Variants in RORA observed in about 807,000 individuals in gnomAD.
The protein encoded by RORA is RAR related orphan receptor A.
In RORA, 7 loss-of-function variants were observed where a neutral mutation model predicts 69.5. That is an observed-to-expected ratio of 0.10 (90% confidence interval 0.06 to 0.19). The LOEUF (loss-of-function observed/expected upper bound fraction) is 0.19, where lower values mean the gene tolerates loss of function less well. RORA is among the 10% of genes least tolerant of loss of function. The probability of loss-of-function intolerance (pLI) is 1.00; values close to 1 mark genes in which losing one functional copy is unlikely to be tolerated. For synonymous variants in RORA, 261 were observed against 240.8 expected, an observed-to-expected ratio of 1.08 and a Z score of -0.78; for missense variants, 457 against 663.0, an observed-to-expected ratio of 0.69 and a Z score of 3.41.
chr15:60,607,292 C>T (rs1048787423), intron 2 of RORA, among the ~76,000 whole-genome samples: 2 of 152,094 alleles, frequency 1.3e-5, no homozygotes, highest in African/African-American at 2.4e-5. Context: ...TCACTAAGGA[C>T]GTATTAACCC....
chr15:60,878,551 G>A (rs1047533012), intron 1 of RORA, among the ~76,000 whole-genome samples: 2 of 152,098 alleles, frequency 1.3e-5, no homozygotes, highest in Non-Finnish European at 2.9e-5. Flanking sequence ...TTGAGGCTCC[G>A]CCTGCTCGCC....
intron 1 of RORA, among the ~76,000 whole-genome samples, chr15:60,829,487 T>G (rs16943179): frequency 0.022 from 3,336 of 152,186 alleles, 134 homozygotes; most frequent in African/African-American, 0.076. Flanking sequence ...CTAGCTTGAG[T>G]TCTAGTCCCA....
chr15:60,657,086 C>CGTGAATATTA (rs1408874500), intron 2 of RORA, among the ~76,000 whole-genome samples: 4 of 152,088 alleles, frequency 2.6e-5, no homozygotes, highest in African/African-American at 9.7e-5. Flanking sequence ...CACACAGCAC[C>CGTGAATATTA]GTGAATATTA....
chr15:60,657,243 T>C (rs2070234701), intron 2 of RORA, among the ~76,000 whole-genome samples: 1 of 152,046 alleles, frequency 6.6e-6, no homozygotes, highest in Non-Finnish European at 1.5e-5. Flanking sequence ...TTTCTTCTCC[T>C]CCTCCTCTCC....
intron 2 of RORA, among the ~76,000 whole-genome samples, chr15:60,586,378 C>T (rs1429171291): frequency 6.6e-6 from 1 of 151,934 alleles, no homozygotes; most frequent in Non-Finnish European, 1.5e-5. Flanking sequence ...AAGAAACTGA[C>T]CAAGATTGTG....
chr15:60,569,017 A>G (rs917111320), intron 2 of RORA, among the ~76,000 whole-genome samples: 1 of 151,998 alleles, frequency 6.6e-6, no homozygotes, highest in Non-Finnish European at 1.5e-5. Context: ...TACAATTTAC[A>G]AAAGGCCTTT....
intron 1 of RORA, among the ~76,000 whole-genome samples, chr15:60,841,428 C>G (rs1386957944): frequency 6.6e-6 from 1 of 152,234 alleles, no homozygotes; most frequent in East Asian, 1.9e-4. Flanking sequence ...AATGGGCTCT[C>G]TCTGTCTCTC....
chr15:61,202,294 G>A (rs1032316341), intron 1 of RORA, among the ~76,000 whole-genome samples: 2 of 152,168 alleles, frequency 1.3e-5, no homozygotes, highest in African/African-American at 4.8e-5. Flanking sequence ...ACAGGCATGA[G>A]ACACTGCTCC....
intron 1 of RORA, among the ~76,000 whole-genome samples, chr15:60,758,381 G>A (rs1366218748): frequency 1.3e-5 from 2 of 152,316 alleles, no homozygotes; most frequent in African/African-American, 4.8e-5. Context: ...TTTGTAACAA[G>A]TTACACGTTT....
intron 1 of RORA, among the ~76,000 whole-genome samples, chr15:60,763,324 C>T (rs1449952993): frequency 6.6e-6 from 1 of 152,082 alleles, no homozygotes; most frequent in Non-Finnish European, 1.5e-5. Context: ...GCCCTGGAAA[C>T]ATGGTCTTGG....
intron 1 of RORA, among the ~76,000 whole-genome samples, chr15:60,828,111 T>C (rs1350200064): frequency 6.6e-6 from 1 of 151,998 alleles, no homozygotes; most frequent in East Asian, 1.9e-4. Context: ...CTGGAAAAGG[T>C]ATAAGGCAGG....
chr15:60,733,028 C>A (rs1397369692), intron 1 of RORA, among the ~76,000 whole-genome samples: 2 of 152,198 alleles, frequency 1.3e-5, no homozygotes, highest in East Asian at 3.9e-4. Flanking sequence ...TAAGCACACA[C>A]CTGCTCTGCG....
At chr15:61,021,765 C>T (rs1041887941) in intron 1 of RORA, among the ~76,000 whole-genome samples, 4 of 152,142 alleles carry the variant, frequency 2.6e-5, no homozygotes, top group East Asian at 1.9e-4. Context: ...CTGAGATGCA[C>T]GGAAGCACTA....
At chr15:60,900,039 T>C (rs1189967934) in intron 1 of RORA, among the ~76,000 whole-genome samples, 1 of 148,284 alleles carries the variant, frequency 6.7e-6, no homozygotes, top group African/African-American at 2.5e-5. Flanking sequence ...TTAGTCTGAA[T>C]AGACAGCTCC....
intron 1 of RORA, among the ~76,000 whole-genome samples, chr15:61,169,009 T>C (rs1304713317): frequency 6.6e-6 from 1 of 152,194 alleles, no homozygotes. Flanking sequence ...CACCACTCTT[T>C]GTACCTTCCT....
At chr15:61,032,070 C>T (rs887047723) in intron 1 of RORA, among the ~76,000 whole-genome samples, 2 of 152,116 alleles carry the variant, frequency 1.3e-5, no homozygotes, top group African/African-American at 4.8e-5. Context: ...ACTTATTGCA[C>T]GTAAGCATGT....
intron 1 of RORA, among the ~76,000 whole-genome samples, chr15:61,225,047 A>G (rs985161619): frequency 6.6e-6 from 1 of 152,226 alleles, no homozygotes; most frequent in African/African-American, 2.4e-5. Context: ...CAGGACTTGA[A>G]TTCTAGATTA....
intron 1 of RORA, among the ~76,000 whole-genome samples, chr15:60,807,828 G>T (rs901927852): frequency 2.2e-4 from 34 of 152,282 alleles, no homozygotes; most frequent in African/African-American, 7.5e-4. Context: ...AGTGGAGAAA[G>T]TACACCCTGT....
chr15:60,751,051 G>A (rs1645314601), intron 1 of RORA, among the ~76,000 whole-genome samples: 1 of 152,312 alleles, frequency 6.6e-6, no homozygotes, highest in African/African-American at 2.4e-5. Flanking sequence ...AAGGCAGGTG[G>A]GGAGCAGAAT....
Sources: allele counts gnomAD v4.1 joint callset (sites outside exome capture counted in the v4.1 genomes callset), GRCh38; gene constraint gnomAD v4.1.1; transcripts MANE v1.5; gene names NCBI Gene and HGNC (gene_info 2026-07-23, HGNC 2026-07-21).